Variants in LRBA observed in about 807,000 individuals in gnomAD.
LRBA encodes the protein LPS responsive beige-like anchor protein, also known as lipopolysaccharide-responsive and beige-like anchor protein.
LRBA carries 176 observed loss-of-function variants against 330.0 expected under a neutral mutation model. That is an observed-to-expected ratio of 0.53 (90% CI 0.47 to 0.60). The LOEUF (loss-of-function observed/expected upper bound fraction) is 0.60. Among genes scored for constraint, LRBA ranks in the 20% least tolerant of loss-of-function variants. The pLI is 0.00. For synonymous variants in LRBA, 1,230 were observed against 1,193.0 expected (o/e 1.03, Z -0.64); for missense variants, 3,259 against 3,444.8 (o/e 0.95, Z 1.35).
chr4:150,530,921 C>T (rs1763994522), intron 40 of LRBA, among the ~76,000 whole-genome samples: 1 of 152,144 alleles, frequency 6.6e-6, no homozygotes, highest in Admixed American at 6.5e-5. Flanking sequence ...GATCTCACCA[C>T]TGGGATCTGA....
Position 150,852,676 on chromosome 4 carries a change from T to C in LRBA, c.3034A>G (p.Thr1012Ala), listed in dbSNP as rs758849593. 1 of 1,614,114 alleles carries C rather than the reference T, an allele frequency of 6.2e-7. No individual in the cohort carries two copies. Among genetic ancestry groups the C allele is most frequent in the South Asian group, 1.1e-5 (1 of 91,078 alleles). The stretch of plus-strand genomic sequence containing the variant: ...TTCATTTCTTCATAAGATGTATTAG[T>C]AGTTTGCAGTTCAATATTAGATGCA... ...ESASNIELQT[T>A]NTSYEEMKAE... Residue 1012 changes from threonine (T) to alanine (A), a missense_variant, in exon 23 of 57, where the codon ACT becomes GCT. Transcript: ENST00000651943.
At chr4:150,308,919 AT>A (rs1730707005) in intron 52 of LRBA, among the ~76,000 whole-genome samples, 1 of 152,150 alleles carries the variant, frequency 6.6e-6, no homozygotes, top group South Asian at 2.1e-4. Context: ...TAAAGAAAAA[AT>A]TTTAAAAACA....
chr4:150,490,934 GATCT>G lies in LRBA; in HGVS notation c.6428_6431del (p.Glu2143AlafsTer9). ...ACACATTACCTCTGTTTGCCATAAA[GATCT>G]CCAGGGCTGTATTTTGCAAAAGATA... On this transcript the variant is annotated frameshift_variant, in exon 41 of 57. Transcript: ENST00000651943. LOFTEE classifies it high-confidence loss of function. 4 of 1,601,272 alleles carry G rather than the reference GATCT, an allele frequency of 2.5e-6. No homozygotes were observed. The highest frequency in any genetic ancestry group is 3.4e-6 in the Non-Finnish European group (4 of 1,170,384).
intron 2 of LRBA, among the ~76,000 whole-genome samples, chr4:150,932,221 A>T (rs1734582090): frequency 1.3e-5 from 2 of 151,966 alleles, no homozygotes; most frequent in Non-Finnish European, 2.9e-5. Flanking sequence ...ATAATCAGAA[A>T]CTCTATATGC....
chr4:150,711,135 A>G (rs1786154244), intron 36 of LRBA, among the ~76,000 whole-genome samples: 2 of 152,254 alleles, frequency 1.3e-5, no homozygotes, highest in South Asian at 4.1e-4. Context: ...GAGGGCAGTG[A>G]TATTTGTATG....
At chr4:150,680,414 C>A (rs956037877) in intron 37 of LRBA, among the ~76,000 whole-genome samples, 2 of 152,188 alleles carry the variant, frequency 1.3e-5, no homozygotes, top group South Asian at 4.1e-4. Flanking sequence ...TATTAAGACA[C>A]AAATTGCATT....
chr4:150,560,584 GC>G (rs758127270), intron 40 of LRBA, among the ~76,000 whole-genome samples: 2 of 152,060 alleles, frequency 1.3e-5, no homozygotes, highest in Non-Finnish European at 2.9e-5. Flanking sequence ...TACAAATTTG[GC>G]CTCTTGTTTA....
At chr4:150,419,633 CTTTTTT>C (rs780382905) in intron 46 of LRBA, among the ~76,000 whole-genome samples, 1 of 96,990 alleles carries the variant, frequency 1.0e-5, no homozygotes, top group Non-Finnish European at 2.0e-5. Context: ...CTGATAATAT[CTTTTTT>C]TTTTTTTTTT....
chr4:150,422,118 C>T (rs937484640), intron 46 of LRBA, among the ~76,000 whole-genome samples: 4 of 152,142 alleles, frequency 2.6e-5, no homozygotes, highest in East Asian at 1.9e-4. Context: ...AAAAATCAGT[C>T]GGGCATCATG....
At chr4:150,757,602 GATTAAGTCT>G (rs1734488538) in intron 35 of LRBA, among the ~76,000 whole-genome samples, 1 of 152,078 alleles carries the variant, frequency 6.6e-6, no homozygotes, top group African/African-American at 2.4e-5. Context: ...CTGCCCCTGG[GATTAAGTCT>G]AGTAGTCAAA....
At chr4:150,713,434 G>C (rs1375580942) in intron 36 of LRBA, among the ~76,000 whole-genome samples, 1 of 152,130 alleles carries the variant, frequency 6.6e-6, no homozygotes, top group African/African-American at 2.4e-5. Flanking sequence ...AATTTTTCCT[G>C]TGAAGAGGAT....
chr4:150,413,780 C>T (rs2151948907), intron 47 of LRBA, among the ~76,000 whole-genome samples: 1 of 152,092 alleles, frequency 6.6e-6, no homozygotes, highest in Admixed American at 6.5e-5. Context: ...ATAGATTGTA[C>T]CTCAATGAAT....
In LRBA at chr4:150,908,822, G is replaced by A; in HGVS notation, c.1197C>T (p.Phe399=). Reference sequence around the variant, plus strand: ...ATAAAAGTTTGTGATGCTCAGCAAGGAAAAGGTCGCTTTCTGCTTTGAATT... The same window carrying A: ...ATAAAAGTTTGTGATGCTCAGCAAGAAAAAGGTCGCTTTCTGCTTTGAATT... ...TFKFKAESDL[F]LAEHHKLLLY... The change falls in exon 10 of 57, where the codon TTC becomes TTT. Residue 399 remains phenylalanine, a synonymous_variant. Coordinates refer to ENST00000651943, the MANE Select transcript of LRBA (RefSeq NM_001364905.1). The A allele has an allele frequency of 6.2e-7, 1 of 1,613,458 alleles. No individual in the cohort carries two copies. Among genetic ancestry groups the A allele is most frequent in the Non-Finnish European group, 8.5e-7 (1 of 1,179,736 alleles).
intron 2 of LRBA, among the ~76,000 whole-genome samples, chr4:150,974,922 C>T (rs1332884653): frequency 6.6e-6 from 1 of 152,034 alleles, no homozygotes; most frequent in Non-Finnish European, 1.5e-5. Context: ...GATATTGAAA[C>T]CACTACATAT....
intron 22 of LRBA, among the ~76,000 whole-genome samples, chr4:150,854,786 T>A (rs1198394815): frequency 6.6e-6 from 1 of 152,166 alleles, no homozygotes; most frequent in Non-Finnish European, 1.5e-5. Context: ...AAGCTTGGTA[T>A]GTATGATGAA....
chr4:150,875,648 C>T (rs941947809), intron 17 of LRBA, among the ~76,000 whole-genome samples: 2 of 152,140 alleles, frequency 1.3e-5, no homozygotes, highest in Non-Finnish European at 2.9e-5. Flanking sequence ...AGGCCCTACC[C>T]AGCATTCTCT....
intron 38 of LRBA, among the ~76,000 whole-genome samples, chr4:150,595,881 G>A (rs1436375676): frequency 1.3e-5 from 2 of 151,776 alleles, no homozygotes; most frequent in African/African-American, 4.8e-5. Context: ...CAGGGCTCTG[G>A]CATTAGGAAA....
At chr4:150,985,503 T>G (rs1357251765) in intron 2 of LRBA, among the ~76,000 whole-genome samples, 1 of 151,204 alleles carries the variant, frequency 6.6e-6, no homozygotes, top group Non-Finnish European at 1.5e-5. Context: ...TATATAGTTT[T>G]TTTTTTTTTA....
At chr4:150,555,550 A>AC (rs1367405037) in intron 40 of LRBA, among the ~76,000 whole-genome samples, 7 of 152,118 alleles carry the variant, frequency 4.6e-5, no homozygotes, top group African/African-American at 1.7e-4. Flanking sequence ...AGAGATCGAG[A>AC]CCATCCTGGC....
Sources: gnomAD v4.1 joint callset for allele counts (sites outside exome capture counted in the v4.1 genomes callset) on GRCh38, gnomAD v4.1.1 for gene constraint, MANE v1.5 for transcripts, NCBI Gene and HGNC (gene_info 2026-07-23, HGNC 2026-07-21) for gene names.